The following ADD2 variants were observed in gnomAD, a reference collection of about 807,000 sequenced individuals.
ADD2 encodes beta-adducin.
ADD2 carries 23 observed loss-of-function variants against 83.0 expected under a neutral mutation model. The ratio of observed to expected loss-of-function variants is 0.28; its 90% CI spans 0.20 to 0.39. The LOEUF (loss-of-function observed/expected upper bound fraction) is 0.39, where lower values mean the gene tolerates loss of function less well. Among genes scored for constraint, ADD2 ranks in the 10% least tolerant of loss-of-function variants. The pLI, the probability that ADD2 is intolerant of heterozygous loss-of-function variation, is 1.00. For missense variants in ADD2, 758 were observed against 944.9 expected, an observed-to-expected ratio of 0.80 and a Z score of 2.59; for synonymous variants, 375 against 375.4, an observed-to-expected ratio of 1.00 and a Z score of 0.01.
chr2:70,704,263 T>TGCCCCCCCCCCCCCCCCCCCCACCCC, intron 4 of ADD2, 58 bp downstream of exon 4: 2 of 913,238 alleles, frequency 2.2e-6, no homozygotes, highest in Non-Finnish European at 3.4e-6. Context: ...CTCCCTCTCT[T>TGCCCCCCCCCCCCCCCCCCCCACCCC]CCCCACCCCA....
chr2:70,691,051 T>C, intron 7 of ADD2, 122 bp from the exon 8 acceptor site: 1 of 1,248,240 alleles, frequency 8.0e-7, no homozygotes, highest in Non-Finnish European at 1.1e-6. Flanking sequence ...AGGGGTGAGG[T>C]TGGGGAGCAG....
chr2:70,711,995 G>A (rs1356852984), intron 2 of ADD2, among the ~76,000 whole-genome samples: 1 of 152,140 alleles, frequency 6.6e-6, no homozygotes, highest in Non-Finnish European at 1.5e-5. Context: ...TCAACTTAGG[G>A]TAGTTCATGT....
intron 4 of ADD2, among the ~76,000 whole-genome samples, chr2:70,699,066 G>A (rs1553373151): frequency 6.6e-6 from 1 of 152,104 alleles, no homozygotes; most frequent in Non-Finnish European, 1.5e-5. Flanking sequence ...CCTGACAGAT[G>A]TTGATTGGTG....
At chr2:70,710,384 A>T (rs1386240924) in intron 2 of ADD2, among the ~76,000 whole-genome samples, 1 of 152,232 alleles carries the variant, frequency 6.6e-6, no homozygotes, top group Non-Finnish European at 1.5e-5. Flanking sequence ...CCCTCCCTGA[A>T]GTACAAAGAA....
chr2:70,670,264 A>G (rs740391), intron 15 of ADD2, among the ~76,000 whole-genome samples: 23,025 of 152,260 alleles, frequency 0.15, 1,946 homozygotes, highest in African/African-American at 0.23. Flanking sequence ...ATTACAAAGT[A>G]CTTTTATATT....
chr2:70,675,690 GC>G (rs1380208466), intron 13 of ADD2: 17 of 985,316 alleles, frequency 1.7e-5, no homozygotes, highest in Admixed American at 6.1e-5. Flanking sequence ...AGTCCTCCCT[GC>G]CCTGGCCCGC....
At chr2:70,681,139 G>A (rs1224897100) in intron 10 of ADD2, among the ~76,000 whole-genome samples, 1 of 152,158 alleles carries the variant, frequency 6.6e-6, no homozygotes, top group Non-Finnish European at 1.5e-5. Context: ...AATTACTCCT[G>A]TAAATAATAT....
chr2:70,671,896 C>T (rs1406069004), intron 15 of ADD2, among the ~76,000 whole-genome samples: 3 of 152,158 alleles, frequency 2.0e-5, no homozygotes, highest in Admixed American at 6.5e-5. Flanking sequence ...CAGGACAGCT[C>T]TGTCTGGTGG....
At chr2:70,690,679 TC>T (rs79627390) in intron 8 of ADD2, 106 bp downstream of exon 8, 648 of 1,223,638 alleles carry the variant, frequency 5.3e-4, no homozygotes, top group African/African-American at 4.5e-3. Context: ...TTCTTTTTTT[TC>T]CCCCCTCTCT....
At chr2:70,683,214 A>C (rs1391621581) in intron 10 of ADD2, among the ~76,000 whole-genome samples, 2 of 151,576 alleles carry the variant, frequency 1.3e-5, no homozygotes, top group Non-Finnish European at 2.9e-5. Context: ...TTTTTAGTAG[A>C]GACAGTGTTT....
chr2:70,749,307 A>G (rs1574320480), intron 1 of ADD2, among the ~76,000 whole-genome samples: 1 of 152,158 alleles, frequency 6.6e-6, no homozygotes, highest in African/African-American at 2.4e-5. Context: ...GGAATAGGGG[A>G]TTATAATTCA....
chr2:70,715,736 A>C (rs2104420234), intron 1 of ADD2, among the ~76,000 whole-genome samples: 1 of 152,106 alleles, frequency 6.6e-6, no homozygotes, highest in African/African-American at 2.4e-5. Flanking sequence ...ACTCCTGCTC[A>C]CCACACACCG....
chr2:70,693,392 T>C (rs1433025198), intron 6 of ADD2, among the ~76,000 whole-genome samples: 3 of 152,146 alleles, frequency 2.0e-5, no homozygotes, highest in African/African-American at 7.2e-5. Context: ...ATGACAACTT[T>C]AGCCCTTAAA....
intron 1 of ADD2, among the ~76,000 whole-genome samples, chr2:70,763,336 T>C (rs1558587616): frequency 6.6e-6 from 1 of 151,982 alleles, no homozygotes; most frequent in Non-Finnish European, 1.5e-5. Flanking sequence ...TAAAATTCTT[T>C]CAGGCTAAAA....
In ADD2 at chr2:70,672,883, A is replaced by G; in HGVS notation, c.1865T>C (p.Leu622Ser). The G allele has an allele frequency of 1.9e-6, 3 of 1,611,892 alleles. No homozygotes were observed. The highest frequency in any genetic ancestry group is 2.5e-6 in the Non-Finnish European group (3 of 1,179,298). ...GCCTACTCAGCTGGACTCACCCTCT[A>G]AAGACTTGGAAGGAGAGACTAAAGG... is the stretch of plus-strand genomic sequence containing the variant. ...KSPLVSPSKS[L>S]EEGTKKTETS... The change falls in exon 15 of 16, where the codon TTA becomes TCA. Residue 622 changes from leucine (L) to serine (S), a missense_variant. By Grantham distance (145) the Leu-to-Ser change is moderately radical. This residue lies in a region of ADD2 where 165 missense variants were observed against 176.2 expected (regional missense o/e 0.94). Coordinates refer to ENST00000264436, the MANE Select transcript of ADD2 (RefSeq NM_001617.4).
chr2:70,664,383 C>T (rs13003996), intron 15 of ADD2, among the ~76,000 whole-genome samples: 20,264 of 152,144 alleles, frequency 0.13, 1,516 homozygotes, highest in South Asian at 0.21. Flanking sequence ...CTGTCGGGAT[C>T]GCGGGAATGT....
At chr2:70,747,639 T>C (rs1053020641) in intron 1 of ADD2, among the ~76,000 whole-genome samples, 1 of 152,036 alleles carries the variant, frequency 6.6e-6, no homozygotes, top group Admixed American at 6.6e-5. Flanking sequence ...GAGTCATGCT[T>C]TCCCATCATG....
chr2:70,705,151 C>A (rs1671816793), intron 3 of ADD2, among the ~76,000 whole-genome samples: 2 of 152,166 alleles, frequency 1.3e-5, no homozygotes, highest in African/African-American at 4.8e-5. Flanking sequence ...AACTCTGCCG[C>A]CTCTCCTAAC....
Position 70,704,466 on chromosome 2 carries a change from C to G in ADD2, c.184-7G>C. 1 of 1,613,910 alleles carries G rather than the reference C, an allele frequency of 6.2e-7. No individual in the cohort carries two copies. The highest frequency in any genetic ancestry group is 8.5e-7 in the Non-Finnish European group (1 of 1,179,936). ...CCAGCTCCTCCCTGAAAGACTGAAG[C>G]AGGCCCCGAGGTGCTTGTCCCCCCA... On this transcript the variant is annotated splice_region_variant and splice_polypyrimidine_tract_variant and intron_variant, in intron 3 of 15. Transcript: ENST00000264436.
Sources: allele counts gnomAD v4.1 joint callset (sites outside exome capture counted in the v4.1 genomes callset), GRCh38; gene constraint gnomAD v4.1.1; regional missense constraint gnomAD v4.1.1; transcripts MANE v1.5; gene names NCBI Gene and HGNC (gene_info 2026-07-23, HGNC 2026-07-21).